CFB: variants seen among roughly 807,000 people sequenced by gnomAD.
The protein encoded by CFB is complement factor B.
CFB carries 59 observed loss-of-function variants against 97.2 expected under a neutral mutation model. That is an observed-to-expected ratio of 0.61 (90% CI 0.49 to 0.75). The LOEUF is 0.75. CFB is among the 30% of genes least tolerant of loss of function. The pLI, the probability that CFB is intolerant of heterozygous loss-of-function variation, is 0.00. For missense variants in CFB, 771 were observed against 959.8 expected, an observed-to-expected ratio of 0.80 and a Z score of 2.60; for synonymous variants, 316 against 351.7, an observed-to-expected ratio of 0.90 and a Z score of 1.14.
In CFB at chr6:31,947,961, G is replaced by A. The variant is rs1420400776; in HGVS notation, c.777G>A (p.Arg259=). 2.5e-6 allele frequency: 4 copies of A among 1,614,210 alleles called. No individual in the cohort carries two copies. Among genetic ancestry groups the A allele is most frequent in the Non-Finnish European group, 2.5e-6 (3 of 1,180,034 alleles). The change falls in exon 6 of 18, where the codon CGG becomes CGA. Residue 259 remains arginine, a synonymous_variant. Transcript: ENST00000425368. This position sits in a 1 kb window ranked among gnomAD's most constrained non-coding sequence, Gnocchi z 5.3. ...GGCACCCAGGGGAACAACAGAAGCGGAAGATCGTCCTGGACCCTTCAGGCT... is the reference window on the plus strand; with the variant it reads ...GGCACCCAGGGGAACAACAGAAGCGAAAGATCGTCCTGGACCCTTCAGGCT... ...DGHGPGEQQK[R]KIVLDPSGSM... is the part of the protein sequence containing the mutation.
At position 31,946,403 on chromosome 6, in the gene CFB, G is replaced by A. The variant is rs641153; in HGVS notation, c.95G>A (p.Arg32Gln). ...ACCACCACTCCATGGTCTTTGGCCC[G>A]GCCCCAGGGATCCTGCTCTCTGGAG... ...GVTTTPWSLA[R>Q]PQGSCSLEGV... Residue 32 changes from arginine (R) to glutamine (Q), a missense_variant, in exon 2 of 18, where the codon CGG (arginine) becomes CAG (glutamine). Coordinates refer to ENST00000425368, the MANE Select transcript of CFB (RefSeq NM_001710.6). This position sits in a 1 kb window ranked among gnomAD's most constrained non-coding sequence, Gnocchi z 6.4. The A allele has an allele frequency of 0.099, 159,488 of 1,612,870 alleles. 8,814 individuals carry two copies. The highest frequency in any genetic ancestry group is 0.19 in the African/African-American group (14,195 of 74,962).
At position 31,948,481 on chromosome 6, in the gene CFB, C is replaced by G. The variant is rs1412187503; in HGVS notation, c.1005C>G (p.Val335=). ...SEADSSNADW[V]TKQLNEINYE... The stretch of plus-strand genomic sequence containing the variant: ...CAGACAGCAGTAATGCAGACTGGGT[C>G]ACGAAGCAGCTCAATGAAATCAATT... The change falls in exon 7 of 18, where the codon GTC becomes GTG. Residue 335 remains valine, a synonymous_variant. Coordinates refer to ENST00000425368, the MANE Select transcript of CFB (RefSeq NM_001710.6). The G allele has an allele frequency of 4.3e-6, 7 of 1,614,004 alleles. No individual in the cohort carries two copies. The Admixed American group carries it at 5.0e-5, about 12-fold the overall frequency.
chr6:31,948,975 T>A lies in CFB; in HGVS notation c.1168+14T>A. On this transcript the variant is annotated intron_variant, in intron 8 of 17. Transcript: ENST00000425368. The stretch of plus-strand genomic sequence containing the variant: ...TCATGACTGATGGTCAGAAGGGACC[T>A]CTCTCCTGTCCCAGCCTCCCCACCT... The A allele has an allele frequency of 6.2e-7, 1 of 1,612,826 alleles. No individual in the cohort carries two copies. The highest frequency in any genetic ancestry group is 8.5e-7 in the Non-Finnish European group (1 of 1,180,012).
rs1266968466 is a variant in CFB, at chr6:31,946,243, C to T, written c.22C>T (p.Gln8Ter). Reference sequence around the variant, plus strand: ...CGCCATGGGGAGCAATCTCAGCCCCCAACTCTGCCTGATGCCCTTTATCTT... The same window carrying T: ...CGCCATGGGGAGCAATCTCAGCCCCTAACTCTGCCTGATGCCCTTTATCTT... MGSNLSPQLCLMPFILGL... is the reference protein window; with the variant it reads MGSNLSP Residue 8 changes from glutamine to a stop codon, truncating the protein, a stop_gained, in exon 1 of 18, where the codon CAA (glutamine) becomes TAA (stop). Coordinates refer to ENST00000425368, the MANE Select transcript of CFB (RefSeq NM_001710.6). LOFTEE classifies it high-confidence loss of function. This position sits in a 1 kb window ranked among gnomAD's most constrained non-coding sequence, Gnocchi z 6.4. 6.2e-7 allele frequency: 1 copy of T among 1,613,126 alleles called. No homozygotes were observed. Among genetic ancestry groups the T allele is most frequent in the Non-Finnish European group, 8.5e-7 (1 of 1,180,038 alleles).
chr6:31,946,622 G>A lies in CFB; in HGVS notation c.298+16G>A, dbSNP rs1210135188. ...GAGTGCAGAGGTTTGAGGGCAATGA[G>A]TGTGGGCAGTGGCCTAAGGCAGAAA... is the stretch of plus-strand genomic sequence containing the variant. On this transcript the variant is annotated intron_variant, in intron 2 of 17. Coordinates refer to ENST00000425368, the MANE Select transcript of CFB (RefSeq NM_001710.6). This position sits in a 1 kb window ranked among gnomAD's most constrained non-coding sequence, Gnocchi z 6.4. 6.3e-7 allele frequency: 1 copy of A among 1,599,252 alleles called. No individual in the cohort carries two copies. Among genetic ancestry groups the A allele is most frequent in the Non-Finnish European group, 8.5e-7 (1 of 1,176,064 alleles).
At position 31,949,011 on chromosome 6, in the gene CFB, G is replaced by A. The variant is rs1771601090; in HGVS notation, c.1168+50G>A. On this transcript the variant is annotated intron_variant, in intron 8 of 17. Transcript: ENST00000425368. ...CCAGCCTCCCCACCTTCTCAGACCA[G>A]CATGTGGCCCTTAAGTCCACTTGTA... 5.6e-6 allele frequency: 9 copies of A among 1,611,928 alleles called. No individual in the cohort carries two copies. In the East Asian group the frequency reaches 2.0e-4, roughly 36 times the overall value.
chr6:31,946,589 G>C lies in CFB; in HGVS notation c.281G>C (p.Arg94Thr), dbSNP rs1388855504. The change falls in exon 2 of 18, where the codon AGG becomes ACG. Residue 94 changes from arginine (R) to threonine (T), a missense_variant. Transcript: ENST00000425368. The surrounding 1 kb of genome is among the most constrained non-coding windows in gnomAD (Gnocchi z 6.4). ...AAGACTCAAGACCAAAAGACTGTCA[G>C]GAAGGCAGAGTGCAGAGGTTTGAGG... ...TLKTQDQKTV[R>T]KAECRAIHCP... The C allele has an allele frequency of 6.2e-7, 1 of 1,610,340 alleles. No homozygotes were observed. Among genetic ancestry groups the C allele is most frequent in the East Asian group, 2.2e-5 (1 of 44,876 alleles).
Position 31,950,656 on chromosome 6 carries a change from A to G in CFB, c.1662A>G (p.Leu554=). 9 of 1,613,042 alleles carry G rather than the reference A, an allele frequency of 5.6e-6. No individual in the cohort carries two copies. In the East Asian group the frequency reaches 1.3e-4, roughly 24 times the overall value. ...GGGACCTGGAGATAGAAGTAGTCCTATTTCACCCCAACTACAACATTAATG... is the reference window on the plus strand; with the variant it reads ...GGGACCTGGAGATAGAAGTAGTCCTGTTTCACCCCAACTACAACATTAATG... The part of the protein sequence containing the change: ...EKRDLEIEVV[L]FHPNYNINGK... The change falls in exon 13 of 18, where the codon CTA becomes CTG. Residue 554 remains leucine (L), a synonymous_variant. Coordinates refer to ENST00000425368, the MANE Select transcript of CFB (RefSeq NM_001710.6).
chr6:31,949,050 G>C, intron 8 of CFB, 89 bp downstream of exon 8: 1 of 1,589,636 alleles, frequency 6.3e-7, no homozygotes, highest in Non-Finnish European at 8.6e-7. Context: ...CTATACCCAT[G>C]GTTGGGGCCC....
chr6:31,951,091 T>A lies in CFB; in HGVS notation c.1856-53T>A. 1 of 1,594,620 alleles carries A rather than the reference T, an allele frequency of 6.3e-7. No individual in the cohort carries two copies. Among genetic ancestry groups the A allele is most frequent in the Non-Finnish European group, 8.6e-7 (1 of 1,164,054 alleles). On this transcript the variant is annotated intron_variant, in intron 14 of 17. Coordinates refer to ENST00000425368, the MANE Select transcript of CFB (RefSeq NM_001710.6). The surrounding 1 kb of genome is among the most constrained non-coding windows in gnomAD (Gnocchi z 4.3). The stretch of plus-strand genomic sequence containing the variant: ...GACATCTACTGAGTGACAAAGGCAA[T>A]GGGGAGATGACAGTGGTGGGAGCAG...
Position 31,950,873 on chromosome 6 carries a change from T to C in CFB, c.1784T>C (p.Ile595Thr). The C allele has an allele frequency of 1.2e-6, 2 of 1,612,970 alleles. No individual in the cohort carries two copies. The highest frequency in any genetic ancestry group is 1.7e-6 in the Non-Finnish European group (2 of 1,180,018). ...GTTCTCCTTGTCCTTTATAGGCCCA[T>C]TTGTCTCCCCTGCACCGAGGGAACA... Reference protein sequence around the residue: ...KLKYGQTIRPICLPCTEGTTR... With the variant: ...KLKYGQTIRPTCLPCTEGTTR... Residue 595 changes from isoleucine (I) to threonine (T), a missense_variant, in exon 14 of 18, where the codon ATT (isoleucine) becomes ACT (threonine). By Grantham distance (89) the Ile-to-Thr change is moderately conservative (BLOSUM62 -1). Coordinates refer to ENST00000425368, the MANE Select transcript of CFB (RefSeq NM_001710.6).
intron 7 of CFB, 79 bp from the exon 8 acceptor site, chr6:31,948,751 T>A: frequency 6.2e-7 from 1 of 1,608,240 alleles, no homozygotes; most frequent in Non-Finnish European, 8.5e-7. Flanking sequence ...GATGTGGGAT[T>A]TCAGTTGCAG....
At position 31,947,477 on chromosome 6, in the gene CFB, G is replaced by T. The variant is rs1261884034; in HGVS notation, c.614G>T (p.Cys205Phe). ...LTLRGSQRRT[C>F]QEGGSWSGTE... The stretch of plus-strand genomic sequence containing the variant: ...CTGCGTGGCTCCCAGCGGCGAACGT[G>T]TCAGGAAGGTGGCTCTTGGAGCGGG... Residue 205 changes from cysteine to phenylalanine, a missense_variant, in exon 4 of 18, where the codon TGT (cysteine) becomes TTT (phenylalanine). Physicochemically the swap from Cys to Phe is radical, Grantham distance 205. Transcript: ENST00000425368. This position sits in a 1 kb window ranked among gnomAD's most constrained non-coding sequence, Gnocchi z 5.3. 6.2e-7 allele frequency: 1 copy of T among 1,612,880 alleles called. No individual in the cohort carries two copies. Among genetic ancestry groups the T allele is most frequent in the African/African-American group, 1.3e-5 (1 of 74,894 alleles).
chr6:31,947,945 G>A lies in CFB; in HGVS notation c.761G>A (p.Gly254Glu). The A allele has an allele frequency of 6.2e-7, 1 of 1,614,150 alleles. No individual in the cohort carries two copies. Among genetic ancestry groups the A allele is most frequent in the Non-Finnish European group, 8.5e-7 (1 of 1,180,030 alleles). Residue 254 changes from glycine (G) to glutamate (E), a missense_variant and splice_region_variant, in exon 6 of 18, where the codon GGG (glycine) becomes GAG (glutamate). Gly to Glu is a moderately conservative substitution (Grantham distance 98, BLOSUM62 -2). Transcript: ENST00000425368. The surrounding 1 kb of genome is among the most constrained non-coding windows in gnomAD (Gnocchi z 5.3). ...GVDAEDGHGP[G>E]EQQKRKIVLD... ...CCTGAGCCACTCTCCTGGCACCCAG[G>A]GGAACAACAGAAGCGGAAGATCGTC... is the stretch of plus-strand genomic sequence containing the variant.
chr6:31,948,211 C>T, intron 6 of CFB, 130 bp downstream of exon 6: 1 of 1,499,700 alleles, frequency 6.7e-7, no homozygotes. Flanking sequence ...TTCTGTCCTC[C>T]TTCCCTTTTA....
chr6:31,948,281 T>C (rs1771560129), intron 6 of CFB, 93 bp from the exon 7 acceptor site: 2 of 1,579,254 alleles, frequency 1.3e-6, no homozygotes, highest in East Asian at 2.2e-5. Flanking sequence ...AGCCTCTTAC[T>C]GAGAGCCTCC....
chr6:31,949,175 G>A (rs1771607568), intron 8 of CFB, 68 bp from the exon 9 acceptor site: 6 of 1,537,748 alleles, frequency 3.9e-6, no homozygotes, highest in Non-Finnish European at 5.4e-6. Context: ...ACCCTGCCAT[G>A]TGTATCCCTG....
At position 31,949,283 on chromosome 6, in the gene CFB, T is replaced by C. The variant is rs1399542585; in HGVS notation, c.1209T>C (p.Asp403=). Residue 403 remains aspartate (D), a synonymous_variant, in exon 9 of 18, where the codon GAT becomes GAC. Transcript: ENST00000425368. Reference sequence around the variant, plus strand: ...GCGGGGACCCAATTACTGTCATTGATGAGATCCGGGACTTGCTATACATTG... The same window carrying C: ...GCGGGGACCCAATTACTGTCATTGACGAGATCCGGGACTTGCTATACATTG... ...NMGGDPITVI[D]EIRDLLYIGK... The C allele has an allele frequency of 6.2e-7, 1 of 1,612,852 alleles. No homozygotes were observed. The highest frequency in any genetic ancestry group is 1.3e-5 in the African/African-American group (1 of 74,910).
Position 31,950,740 on chromosome 6 carries a change from C to G in CFB, c.1746C>G (p.Leu582=). 1 of 1,613,050 alleles carries G rather than the reference C, an allele frequency of 6.2e-7. No individual in the cohort carries two copies. The highest frequency in any genetic ancestry group is 8.5e-7 in the Non-Finnish European group (1 of 1,180,036). Residue 582 remains leucine (L), a synonymous_variant, in exon 13 of 18, where the codon CTC becomes CTG. Coordinates refer to ENST00000425368, the MANE Select transcript of CFB (RefSeq NM_001710.6). ...FYDYDVALIK[L]KNKLKYGQTI... The stretch of plus-strand genomic sequence containing the variant: ...ACTATGACGTTGCCCTGATCAAGCT[C>G]AAGAATAAGCTGAAATATGGCCAGA...
Sources: allele counts gnomAD v4.1 joint callset, GRCh38; gene constraint gnomAD v4.1.1; non-coding constraint Gnocchi (gnomAD v3.1); transcripts MANE v1.5; gene names NCBI Gene and HGNC (gene_info 2026-07-23, HGNC 2026-07-21).